The following SMG6 variants were observed in gnomAD, a reference collection of about 807,000 sequenced individuals.
SMG6 encodes the protein telomerase-binding protein EST1A.
Under a neutral mutation model 142.2 loss-of-function variants are expected in SMG6, and 66 were observed. That is an observed-to-expected ratio of 0.46 (90% CI 0.38 to 0.57). SMG6 has a LOEUF of 0.57. SMG6 is among the 20% of genes least tolerant of loss of function. SMG6 has a pLI of 0.00. For missense variants in SMG6, 1,793 were observed against 1,832.0 expected (o/e 0.98, Z 0.39); for synonymous variants, 779 against 702.4 (o/e 1.11, Z -1.72).
intron 8 of SMG6, among the ~76,000 whole-genome samples, chr17:2,261,452 G>A (rs921567871): frequency 2.0e-5 from 3 of 152,108 alleles, no homozygotes; most frequent in Non-Finnish European, 2.9e-5. Flanking sequence ...TATATTTTTG[G>A]AAGATTTCTT....
chr17:2,275,392 A>G (rs2074627658), intron 8 of SMG6, among the ~76,000 whole-genome samples: 1 of 152,238 alleles, frequency 6.6e-6, no homozygotes, highest in African/African-American at 2.4e-5. Flanking sequence ...GCTGCACTCC[A>G]GCCTGGGAGA....
intron 10 of SMG6, among the ~76,000 whole-genome samples, chr17:2,223,580 T>C (rs566018355): frequency 4.6e-5 from 7 of 152,256 alleles, no homozygotes; most frequent in South Asian, 2.1e-4. Context: ...TCACCAGATA[T>C]ATAATGTGAT....
chr17:2,162,517 GAAAA>G (rs56092903), intron 13 of SMG6, among the ~76,000 whole-genome samples: 8 of 60,648 alleles, frequency 1.3e-4, no homozygotes, highest in East Asian at 6.0e-4. Context: ...CCCCATCTCA[GAAAA>G]AAAAAAAAAA....
chr17:2,188,525 G>A lies in SMG6; in HGVS notation c.2870-10C>T, dbSNP rs1303343394. Reference sequence around the variant, plus strand: ...TCCTCCGAGAAGCAGTCTGCGGACAGGCAAATGAAACTCTCAGCGCCCCAG... The same window carrying A: ...TCCTCCGAGAAGCAGTCTGCGGACAAGCAAATGAAACTCTCAGCGCCCCAG... On this transcript the variant is annotated splice_polypyrimidine_tract_variant and intron_variant, in intron 10 of 18. Coordinates refer to ENST00000263073, the MANE Select transcript of SMG6 (RefSeq NM_017575.5). 6.2e-7 allele frequency: 1 copy of A among 1,611,776 alleles called. No individual in the cohort carries two copies. Among genetic ancestry groups the A allele is most frequent in the African/African-American group, 1.3e-5 (1 of 74,676 alleles).
intron 13 of SMG6, among the ~76,000 whole-genome samples, chr17:2,132,829 G>C (rs937245926): frequency 1.3e-5 from 2 of 152,160 alleles, no homozygotes; most frequent in Admixed American, 6.5e-5. Flanking sequence ...GTCTCATTTT[G>C]TCACTCAGGG....
At chr17:2,081,539 G>A (rs560045286) in intron 15 of SMG6, among the ~76,000 whole-genome samples, 5 of 152,268 alleles carry the variant, frequency 3.3e-5, no homozygotes, top group African/African-American at 9.6e-5. Context: ...TGTGTGGTGT[G>A]CATTTGGAGA....
At position 2,191,229 on chromosome 17, in the gene SMG6, G is replaced by A. The variant is rs543329587; in HGVS notation, c.2870-2714C>T. Among the ~76,000 whole-genome samples, 8 of 152,334 alleles carry A rather than the reference G, an allele frequency of 5.3e-5. No individual in the cohort carries two copies. In the East Asian group the frequency reaches 1.4e-3, roughly 26 times the overall value. On this transcript the variant is annotated intron_variant, in intron 10 of 18. Transcript: ENST00000263073. ...TAAGTGCACAGCATCTTCATGGGCT[G>A]CTCTTGGCCTCACGTAGGCTTCCAC...
chr17:2,298,110 AC>A, intron 2 of SMG6, 55 bp from the exon 3 acceptor site: 1 of 1,517,850 alleles, frequency 6.6e-7, no homozygotes, highest in African/African-American at 1.4e-5. Context: ...AAAAAGCTAG[AC>A]TCAAGTTTTG....
At chr17:2,252,904 T>C (rs1266974967) in intron 8 of SMG6, among the ~76,000 whole-genome samples, 8 of 152,042 alleles carry the variant, frequency 5.3e-5, no homozygotes, top group Non-Finnish European at 1.0e-4. Context: ...GAATGGTTTT[T>C]ACATTTTTTT....
chr17:2,292,207 G>C (rs904049690), intron 6 of SMG6, among the ~76,000 whole-genome samples: 1 of 152,172 alleles, frequency 6.6e-6, no homozygotes, highest in Non-Finnish European at 1.5e-5. Flanking sequence ...CTTATTTTTC[G>C]TCTAGAATGA....
intron 10 of SMG6, among the ~76,000 whole-genome samples, chr17:2,222,008 T>C (rs1239067370): frequency 6.6e-6 from 1 of 152,228 alleles, no homozygotes; most frequent in Admixed American, 6.5e-5. Context: ...GAGCTGGGAT[T>C]ACAGACGTCG....
chr17:2,262,395 G>T (rs1430680523), intron 8 of SMG6, among the ~76,000 whole-genome samples: 2 of 152,212 alleles, frequency 1.3e-5, no homozygotes, highest in Admixed American at 1.3e-4. Context: ...ACATTGTGAT[G>T]AATCTTCAGT....
chr17:2,215,973 T>C (rs1386898238), intron 10 of SMG6: 1 of 152,284 alleles, frequency 6.6e-6, no homozygotes, highest in African/African-American at 2.4e-5. Context: ...TAAACCCCTA[T>C]AGACAGCAGC....
chr17:2,133,393 T>C (rs1480576908), intron 13 of SMG6, among the ~76,000 whole-genome samples: 3 of 152,194 alleles, frequency 2.0e-5, no homozygotes, highest in African/African-American at 4.8e-5. Flanking sequence ...GCAGCCTTCA[T>C]AACAAGTCAG....
chr17:2,169,571 G>A (rs879301526), intron 13 of SMG6, among the ~76,000 whole-genome samples: 2 of 152,110 alleles, frequency 1.3e-5, no homozygotes, highest in Non-Finnish European at 2.9e-5. Flanking sequence ...GAGTGTTTCC[G>A]GTTAAGAAAA....
chr17:2,065,877 CCTTT>C, intron 16 of SMG6, 198 bp from the exon 17 acceptor site: 3 of 594,170 alleles, frequency 5.0e-6, no homozygotes, highest in Non-Finnish European at 9.0e-6. Context: ...GGCTCTACTC[CCTTT>C]CTGTCTCTTC....
chr17:2,191,468 T>A (rs1338904607), intron 10 of SMG6, among the ~76,000 whole-genome samples: 1 of 152,208 alleles, frequency 6.6e-6, no homozygotes, highest in Admixed American at 6.5e-5. Context: ...ATTGTTTGCC[T>A]TGGTATTCGC....
intron 13 of SMG6, among the ~76,000 whole-genome samples, chr17:2,129,572 C>T (rs935165707): frequency 2.0e-5 from 3 of 151,608 alleles, no homozygotes; most frequent in Non-Finnish European, 2.9e-5. Context: ...GACAGGCAGA[C>T]CACTTGAGGT....
intron 13 of SMG6, among the ~76,000 whole-genome samples, chr17:2,131,745 C>A (rs1291747698): frequency 6.6e-6 from 1 of 152,142 alleles, no homozygotes; most frequent in Non-Finnish European, 1.5e-5. Context: ...GACAAAGATT[C>A]ATATTCAGAC....
Sources: allele counts gnomAD v4.1 joint callset (sites outside exome capture counted in the v4.1 genomes callset), GRCh38; gene constraint gnomAD v4.1.1; transcripts MANE v1.5; gene names NCBI Gene and HGNC (gene_info 2026-07-23, HGNC 2026-07-21).